The following POLR1C variants were observed in gnomAD, a reference collection of about 807,000 sequenced individuals.
The protein encoded by POLR1C is DNA-directed RNA polymerases I and III subunit RPAC1.
POLR1C carries 42 observed loss-of-function variants against 38.3 expected under a neutral mutation model. The observed-to-expected ratio is 1.10, with a 90% CI of 0.86 to 1.42. POLR1C has a LOEUF of 1.42. Among genes scored for constraint, POLR1C ranks in the 40% most tolerant of loss-of-function variants. POLR1C has a pLI of 0.00. For missense variants in POLR1C, 507 were observed against 450.5 expected (o/e 1.13, Z -1.14); for synonymous variants, 163 against 163.9 (o/e 0.99, Z 0.04).
intron 9 of POLR1C, chr6:43,546,546 G>A: frequency 6.3e-7 from 1 of 1,585,964 alleles, no homozygotes. Flanking sequence ...GAAAACAACA[G>A]AGAAAAGCCA....
downstream of POLR1C, among the ~76,000 whole-genome samples, chr6:43,534,235 A>G (rs928728711): frequency 1.3e-4 from 20 of 152,180 alleles, no homozygotes; most frequent in African/African-American, 4.6e-4. Flanking sequence ...TAACATGAGA[A>G]CTAAACCCCA....
chr6:43,556,092 T>C, intron 10 of POLR1C: 1 of 1,257,062 alleles, frequency 8.0e-7, no homozygotes, highest in Non-Finnish European at 1.1e-6. Flanking sequence ...ACTTGTGCTT[T>C]GCATGTAATA....
intron 2 of POLR1C, chr6:43,519,034 G>T (rs757388777): frequency 3.5e-5 from 15 of 433,990 alleles, no homozygotes; most frequent in Non-Finnish European, 6.0e-5. Flanking sequence ...TAAGAGGACT[G>T]AGTAGTGTCA....
downstream of POLR1C, chr6:43,524,494 G>A (rs777252973): frequency 4.3e-6 from 7 of 1,613,760 alleles, no homozygotes; most frequent in Non-Finnish European, 5.9e-6. Flanking sequence ...GCAATGAGGC[G>A]TTTGAATTGG....
In POLR1C at chr6:43,517,150, T is replaced by C. The variant is rs1582177665; in HGVS notation, c.41T>C (p.Val14Ala). The stretch of plus-strand genomic sequence containing the variant: ...GCGGTGGAGGAAATGCGGAGCCGCG[T>C]GGTTCTGGGGGAGTTTGGGGTTCGC... Reference protein sequence around the residue: ...SQAVEEMRSRVVLGEFGVRNV... With the variant: ...SQAVEEMRSRAVLGEFGVRNV... The change falls in exon 1 of 9, where the codon GTG (valine) becomes GCG (alanine). Residue 14 changes from valine to alanine, a missense_variant. Coordinates refer to ENST00000642195, the MANE Select transcript of POLR1C (RefSeq NM_203290.4). 1.9e-6 allele frequency: 3 copies of C among 1,613,684 alleles called. No individual in the cohort carries two copies. The African/African-American group carries it at 4.0e-5, about 22-fold the overall frequency.
chr6:43,533,986 T>G (rs1396799538), downstream of POLR1C: 1 of 1,604,062 alleles, frequency 6.2e-7, no homozygotes, highest in Non-Finnish European at 8.5e-7. Context: ...GCATTTCTGG[T>G]GCATATAATG....
intron 9 of POLR1C, chr6:43,546,422 A>T: frequency 5.4e-6 from 4 of 734,694 alleles, no homozygotes. Flanking sequence ...TATTTTTTTT[A>T]AAACTGAGAC....
At chr6:43,547,186 G>C (rs1376685344) in intron 9 of POLR1C, 1 of 346,428 alleles carries the variant, frequency 2.9e-6, no homozygotes, top group Non-Finnish European at 5.5e-6. Flanking sequence ...TTAATTAATG[G>C]GACTTGTGCC....
At chr6:43,540,639 G>C (rs1794643709) in intron 9 of POLR1C, among the ~76,000 whole-genome samples, 1 of 152,112 alleles carries the variant, frequency 6.6e-6, no homozygotes, top group Admixed American at 6.6e-5. Flanking sequence ...GGCAACAAGA[G>C]TGACACTCCG....
In POLR1C at chr6:43,546,819, GAT is replaced by G. The variant is rs1794986642; in HGVS notation, c.*5-4144_*5-4143del. On this transcript the variant is annotated intron_variant, in intron 9 of 10. Coordinates refer to the POLR1C transcript ENST00000607635. ...AAAAAAAAAAGACCAAATACTGTTA[GAT>G]ATATTCAAGGTTCTGGCAAAAGTGA... is the stretch of plus-strand genomic sequence containing the variant. 4 of 1,427,758 alleles carry G rather than the reference GAT, an allele frequency of 2.8e-6. No homozygotes were observed. The South Asian group carries it at 5.8e-5, about 21-fold the overall frequency. 88.4% of individuals were successfully genotyped at this position (1,427,758 alleles called of 1,614,324 possible). A position where few individuals can be genotyped will look rare whatever the true frequency, so the allele number is the denominator to read the frequency against.
chr6:43,550,447 C>T (rs760468936), intron 9 of POLR1C, among the ~76,000 whole-genome samples: 43 of 152,186 alleles, frequency 2.8e-4, no homozygotes, highest in Non-Finnish European at 5.7e-4. Context: ...ACAACATTTT[C>T]TTCATTTCTC....
intron 9 of POLR1C, among the ~76,000 whole-genome samples, chr6:43,538,082 CAAA>C (rs1217531011): frequency 0.053 from 1,905 of 36,090 alleles, 37 homozygotes; most frequent in African/African-American, 0.14. Flanking sequence ...AAGATGGTCT[CAAA>C]AAAAAAAAAA....
chr6:43,525,189 G>A (rs1226136852), downstream of POLR1C: 2 of 1,580,880 alleles, frequency 1.3e-6, no homozygotes, highest in South Asian at 2.3e-5. Flanking sequence ...ATTGAAGGCT[G>A]TAATTAATAG....
intron 10 of POLR1C, among the ~76,000 whole-genome samples, chr6:43,560,623 A>C (rs189563869): frequency 3.6e-3 from 546 of 152,364 alleles, no homozygotes; most frequent in Non-Finnish European, 5.4e-3. Context: ...TAATACAATT[A>C]ATCAGACTTT....
intron 10 of POLR1C, among the ~76,000 whole-genome samples, chr6:43,556,475 A>G (rs999618655): frequency 6.6e-6 from 1 of 151,326 alleles, no homozygotes; most frequent in African/African-American, 2.4e-5. Flanking sequence ...GTAGTGAGCC[A>G]TGATCGCAGC....
intron 9 of POLR1C, among the ~76,000 whole-genome samples, chr6:43,540,247 G>A (rs1488481695): frequency 6.6e-6 from 1 of 152,172 alleles, no homozygotes; most frequent in East Asian, 1.9e-4. Context: ...AAATTAGCCA[G>A]GCCGGGCGGA....
chr6:43,541,968 TG>T (rs1373876452), intron 9 of POLR1C, among the ~76,000 whole-genome samples: 2 of 151,982 alleles, frequency 1.3e-5, no homozygotes, highest in African/African-American at 4.8e-5. Flanking sequence ...TTAGTAGAGA[TG>T]GGGTTTCACC....
rs1454909461 is a variant in POLR1C at position 43,546,477 on chromosome 6, C to T, written c.*5-4491C>T. 2.4e-6 allele frequency: 3 copies of T among 1,245,080 alleles called. No homozygotes were observed. The East Asian group carries it at 7.9e-5, about 33-fold the overall frequency. 77.1% of individuals were successfully genotyped at this position (1,245,080 alleles called of 1,614,324 possible). A position where few individuals can be genotyped will look rare whatever the true frequency, so the allele number is the denominator to read the frequency against. On this transcript the variant is annotated intron_variant, in intron 9 of 10. Transcript: ENST00000607635. ...GACTTAAATCAATCCCTCATTAATACCACTAAGATATGAAGACATGTAAAC... is the reference window on the plus strand; with the variant it reads ...GACTTAAATCAATCCCTCATTAATATCACTAAGATATGAAGACATGTAAAC...
rs1346362021 is a variant in POLR1C at position 43,548,444 on chromosome 6, A to T, written c.*5-2524A>T. 1.3e-6 allele frequency: 2 copies of T among 1,574,520 alleles called. No homozygotes were observed. The highest frequency in any genetic ancestry group is 1.7e-6 in the Non-Finnish European group (2 of 1,156,002). ...GAGGAGTTGCTTCACATGGTTATAAAGCATGTCAAAATTGGGCTACAGATC... is the reference window on the plus strand; with the variant it reads ...GAGGAGTTGCTTCACATGGTTATAATGCATGTCAAAATTGGGCTACAGATC... On this transcript the variant is annotated intron_variant, in intron 9 of 10. Transcript: ENST00000607635.
Sources: gnomAD v4.1 joint callset for allele counts (sites outside exome capture counted in the v4.1 genomes callset) on GRCh38, gnomAD v4.1.1 for gene constraint, MANE v1.5 for transcripts, NCBI Gene and HGNC (gene_info 2026-07-23, HGNC 2026-07-21) for gene names.